The following CASP5 variants were observed in gnomAD, a reference collection of about 807,000 sequenced individuals.
CASP5 encodes caspase 5.
CASP5 carries 42 observed loss-of-function variants against 45.2 expected under a neutral mutation model. That is an observed-to-expected ratio of 0.93 (90% CI 0.73 to 1.20). CASP5 has a LOEUF of 1.20. Ranked by LOEUF, CASP5 falls within the 50% of genes most tolerant of loss-of-function variation. The pLI is 0.00. For synonymous variants in CASP5, 209 were observed against 186.2 expected (o/e 1.12, Z -1.00); for missense variants, 512 against 532.2 (o/e 0.96, Z 0.37).
At chr11:104,996,691 G>A (rs921305274) in intron 8 of CASP5, among the ~76,000 whole-genome samples, 1 of 152,040 alleles carries the variant, frequency 6.6e-6, no homozygotes, top group African/African-American at 2.4e-5. Context: ...GCAAATCCCC[G>A]CCATCCTGAA....
At chr11:105,009,854 C>T (rs1216198791) in intron 1 of CASP5, among the ~76,000 whole-genome samples, 5 of 132,206 alleles carry the variant, frequency 3.8e-5, no homozygotes, top group East Asian at 4.6e-4. Flanking sequence ...TATATATACA[C>T]ATATATATAC....
chr11:105,003,486 A>G, intron 3 of CASP5, 103 bp from the exon 4 acceptor site: 1 of 651,854 alleles, frequency 1.5e-6, no homozygotes, highest in South Asian at 2.0e-5. Flanking sequence ...TAGGAAAAAG[A>G]CTCTTTATAT....
intron 8 of CASP5, among the ~76,000 whole-genome samples, 157 bp from the exon 9 acceptor site, chr11:104,995,999 C>T (rs1861454282): frequency 6.6e-6 from 1 of 152,148 alleles, no homozygotes; most frequent in South Asian, 2.1e-4. Context: ...TACTCTACCT[C>T]TTAGAATTGA....
At chr11:104,998,178 T>C (rs2134691370) in intron 7 of CASP5, among the ~76,000 whole-genome samples, 1 of 152,296 alleles carries the variant, frequency 6.6e-6, no homozygotes, top group Middle Eastern at 3.4e-3. Flanking sequence ...GGTGATGATT[T>C]TAGGGGTGTG....
chr11:104,998,744 C>CATA, intron 7 of CASP5, 141 bp downstream of exon 7: 1 of 769,018 alleles, frequency 1.3e-6, no homozygotes, highest in South Asian at 2.0e-5. Flanking sequence ...TCACAGCACA[C>CATA]ATAAGATCAT....
chr11:105,013,826 A>G lies in CASP5; in HGVS notation c.8-4846T>C, dbSNP rs535896133. Among the ~76,000 whole-genome samples, 337 of 152,278 alleles carry G rather than the reference A, an allele frequency of 2.2e-3. 2 individuals carry two copies. The highest frequency in any genetic ancestry group is 8.0e-3 in the African/African-American group (331 of 41,568). On this transcript the variant is annotated intron_variant, in intron 1 of 9. Transcript: ENST00000260315. The stretch of plus-strand genomic sequence containing the variant: ...TTGCTCCTCCATATAGTAAAAAATA[A>G]TACCTAACTTCCAAGTGCGGGAAGG...
intron 1 of CASP5, among the ~76,000 whole-genome samples, chr11:105,021,109 T>C (rs1200875217): frequency 6.6e-6 from 1 of 151,956 alleles, no homozygotes; most frequent in Non-Finnish European, 1.5e-5. Context: ...TAGCCATATG[T>C]AGAAAGCTGA....
intron 1 of CASP5, among the ~76,000 whole-genome samples, chr11:105,018,030 C>G (rs1420425364): frequency 1.3e-5 from 2 of 151,792 alleles, no homozygotes; most frequent in Admixed American, 1.3e-4. Context: ...GAATTTTCAA[C>G]CCAGAATTTC....
chr11:105,002,286 C>T (rs1005863081), intron 4 of CASP5, 85 bp from the exon 5 acceptor site: 19 of 1,114,140 alleles, frequency 1.7e-5, no homozygotes, highest in South Asian at 2.8e-5. Context: ...TTTTTTAAGA[C>T]CTCATGCAGC....
At position 105,009,245 on chromosome 11, in the gene CASP5, T is replaced by G. The variant is rs190966493; in HGVS notation, c.8-265A>C. ...CTTTCTGCAGCATTGGGCCTAATGCTAAATTCCTGGTCATCCATTGTATTC... is the reference window on the plus strand; with the variant it reads ...CTTTCTGCAGCATTGGGCCTAATGCGAAATTCCTGGTCATCCATTGTATTC... On this transcript the variant is annotated intron_variant, in intron 1 of 9. Coordinates refer to ENST00000260315, the MANE Select transcript of CASP5 (RefSeq NM_004347.5). Among the ~76,000 whole-genome samples, 4 of 152,086 alleles carry G rather than the reference T, an allele frequency of 2.6e-5. No individual in the cohort carries two copies. In the South Asian group the frequency reaches 8.3e-4, roughly 31 times the overall value.
At position 105,002,125 on chromosome 11, in the gene CASP5, G is replaced by A; in HGVS notation, c.620C>T (p.Pro207Leu). Residue 207 changes from proline (P) to leucine (L), a missense_variant, in exon 5 of 10, where the codon CCT becomes CTT. Physicochemically the swap from Pro to Leu is moderately conservative, Grantham distance 98 (BLOSUM62 -3). Transcript: ENST00000260315. ...GTCATAGTGAGCCCCATTCCTTGCA[G>A]GCAGGTGATCAAACTTTGTATTGCA... ...IICNTKFDHL[P>L]ARNGAHYDIV... 1 of 1,614,092 alleles carries A rather than the reference G, an allele frequency of 6.2e-7. No homozygotes were observed. The highest frequency in any genetic ancestry group is 8.5e-7 in the Non-Finnish European group (1 of 1,179,978).
intron 3 of CASP5, among the ~76,000 whole-genome samples, chr11:105,005,553 CT>C (rs1861963012): frequency 6.6e-6 from 1 of 152,166 alleles, no homozygotes; most frequent in South Asian, 2.1e-4. Context: ...GCTTCCTGGT[CT>C]GCTGTGCCAG....
In CASP5 at chr11:104,998,878, CACAT is replaced by C. The variant is rs758594115; in HGVS notation, c.1096+3_1096+6del. ...CAAATTTTTGACTGTTACTAAAAGACACATACGTGGTGTTGAAGAACAGAAAGCA... is the reference window on the plus strand; with the variant it reads ...CAAATTTTTGACTGTTACTAAAAGACACGTGGTGTTGAAGAACAGAAAGCA... On this transcript the variant is annotated splice_donor_5th_base_variant and intron_variant, in intron 7 of 9. Transcript: ENST00000260315. The C allele has an allele frequency of 1.2e-6, 2 of 1,609,924 alleles. No homozygotes were observed. Among genetic ancestry groups the C allele is most frequent in the South Asian group, 2.2e-5 (2 of 90,062 alleles).
chr11:105,019,954 C>T lies in CASP5; in HGVS notation c.7+3176G>A, dbSNP rs1023408204. Among the ~76,000 whole-genome samples the T allele has an allele frequency of 1.4e-5, 2 of 145,456 alleles. 1 individual carries two copies. Among genetic ancestry groups the T allele is most frequent in the Admixed American group, 1.5e-4 (2 of 13,734 alleles). On this transcript the variant is annotated intron_variant, in intron 1 of 9. Transcript: ENST00000260315. ...CTAGCAGCACATCAAAAAGCTTATCCACCATGATCAAGGGGGCTTCATCCC... is the reference window on the plus strand; with the variant it reads ...CTAGCAGCACATCAAAAAGCTTATCTACCATGATCAAGGGGGCTTCATCCC...
At chr11:105,009,714 TACACAC>T (rs367820511) in intron 1 of CASP5, among the ~76,000 whole-genome samples, 2,114 of 71,358 alleles carry the variant, frequency 0.03, 81 homozygotes, top group African/African-American at 0.12. Flanking sequence ...GATATATATA[TACACAC>T]ATATATATAT....
At chr11:105,009,714 T>C (rs1395912025) in intron 1 of CASP5, among the ~76,000 whole-genome samples, 153 of 71,428 alleles carry the variant, frequency 2.1e-3, no homozygotes, top group African/African-American at 5.8e-3. Context: ...GATATATATA[T>C]ACACACATAT....
intron 3 of CASP5, among the ~76,000 whole-genome samples, chr11:105,004,664 TC>T (rs1462856518): frequency 6.6e-6 from 1 of 152,194 alleles, no homozygotes; most frequent in Non-Finnish European, 1.5e-5. Context: ...CATTTGTTTC[TC>T]TTCATTTTTA....
chr11:105,016,195 C>G (rs1336623844), intron 1 of CASP5, among the ~76,000 whole-genome samples: 2 of 152,138 alleles, frequency 1.3e-5, no homozygotes, highest in East Asian at 3.8e-4. Context: ...TAAGAATTGT[C>G]TGCAGATCTT....
intron 1 of CASP5, among the ~76,000 whole-genome samples, chr11:105,022,860 G>A (rs892414668): frequency 6.6e-6 from 1 of 152,042 alleles, no homozygotes; most frequent in African/African-American, 2.4e-5. Context: ...AACTTACTCT[G>A]TCTTTCCTTA....
Sources: allele counts gnomAD v4.1 joint callset (sites outside exome capture counted in the v4.1 genomes callset), GRCh38; gene constraint gnomAD v4.1.1; transcripts MANE v1.5; gene names NCBI Gene and HGNC (gene_info 2026-07-23, HGNC 2026-07-21).